The following ADGRL2 variants were observed in gnomAD, a reference collection of about 807,000 sequenced individuals.
ADGRL2 encodes adhesion G protein-coupled receptor L2, also known as calcium-independent alpha-latrotoxin receptor 2.
A neutral mutation model predicts 157.4 loss-of-function variants in ADGRL2; 44 were observed. The observed-to-expected ratio is 0.28, with a 90% CI of 0.22 to 0.36. The LOEUF (loss-of-function observed/expected upper bound fraction) is 0.36. Ranked by LOEUF, ADGRL2 falls within the 10% of genes least tolerant of loss-of-function variation. The probability of loss-of-function intolerance (pLI) is 1.00; values close to 1 mark genes in which losing one functional copy is unlikely to be tolerated. For missense variants in ADGRL2, 1,510 were observed against 1,768.9 expected (o/e 0.85, Z 2.63); for synonymous variants, 585 against 624.7 (o/e 0.94, Z 0.95).
At chr1:81,477,866 C>T (rs550394626) in intron 2 of ADGRL2, among the ~76,000 whole-genome samples, 1 of 152,144 alleles carries the variant, frequency 6.6e-6, no homozygotes, top group Non-Finnish European at 1.5e-5. Context: ...ACCACAGCTG[C>T]TGCAAACATT....
intron 1 of ADGRL2, among the ~76,000 whole-genome samples, chr1:81,441,636 T>C (rs1245718880): frequency 4.6e-5 from 7 of 152,176 alleles, no homozygotes. Flanking sequence ...GTTCAAGTGA[T>C]TCTCCTGCCT....
At chr1:81,865,973 A>T (rs962365432) in intron 2 of ADGRL2, among the ~76,000 whole-genome samples, 1 of 152,186 alleles carries the variant, frequency 6.6e-6, no homozygotes, top group African/African-American at 2.4e-5. Context: ...CATTAAATAG[A>T]TTAGAAAAAG....
intron 2 of ADGRL2, among the ~76,000 whole-genome samples, chr1:81,850,088 C>T (rs2092945576): frequency 1.3e-5 from 2 of 152,054 alleles, no homozygotes; most frequent in South Asian, 4.1e-4. Context: ...TAATTTTAAA[C>T]ACCTTTACCA....
rs1243714128 is a variant in ADGRL2 at position 81,985,668 on chromosome 1, A to C, written c.3508+313A>C. On this transcript the variant is annotated intron_variant, in intron 21 of 23. Transcript: ENST00000686636. ...TTTAACCTTTCTTTCAAAAAGTAAA[A>C]AATAAATGCTAAAAACATGTGTAGT... Among the ~76,000 whole-genome samples the C allele has an allele frequency of 2.6e-5, 4 of 151,986 alleles. No individual in the cohort carries two copies. The East Asian group carries it at 7.7e-4, about 29-fold the overall frequency.
At chr1:81,845,521 A>C (rs1178826148) in intron 2 of ADGRL2, among the ~76,000 whole-genome samples, 1 of 152,056 alleles carries the variant, frequency 6.6e-6, no homozygotes, top group Non-Finnish European at 1.5e-5. Context: ...TGATTTGTAA[A>C]AAAGGGTATC....
chr1:81,332,621 T>G (rs1661350876), intron 1 of ADGRL2, among the ~76,000 whole-genome samples: 1 of 152,160 alleles, frequency 6.6e-6, no homozygotes, highest in African/African-American at 2.4e-5. Context: ...CCTTTGAAAG[T>G]TACACAAGGT....
intron 2 of ADGRL2, among the ~76,000 whole-genome samples, chr1:81,870,926 G>A (rs534958079): frequency 7.0e-6 from 1 of 142,906 alleles, no homozygotes; most frequent in East Asian, 2.1e-4. Context: ...TTTTTTTGAA[G>A]ATTTTTTTTT....
chr1:81,692,791 A>T (rs2083369329), intron 3 of ADGRL2, among the ~76,000 whole-genome samples: 1 of 152,200 alleles, frequency 6.6e-6, no homozygotes, highest in Non-Finnish European at 1.5e-5. Context: ...ATTCAATTAG[A>T]TGTCAATAGT....
At chr1:81,821,927 G>A (rs1028648529) in intron 1 of ADGRL2, among the ~76,000 whole-genome samples, 7 of 151,412 alleles carry the variant, frequency 4.6e-5, no homozygotes, top group African/African-American at 1.7e-4. Flanking sequence ...GGCAAGTTAG[G>A]ATTTCAAAGT....
intron 1 of ADGRL2, among the ~76,000 whole-genome samples, chr1:81,394,755 T>A (rs1003997312): frequency 6.6e-6 from 1 of 152,126 alleles, no homozygotes; most frequent in African/African-American, 2.4e-5. Flanking sequence ...TCATATGGTA[T>A]CTCTAGTTGA....
At chr1:81,401,434 A>G (rs1462477258) in intron 1 of ADGRL2, among the ~76,000 whole-genome samples, 1 of 112,336 alleles carries the variant, frequency 8.9e-6, no homozygotes, top group Non-Finnish European at 2.0e-5. Context: ...CTGCGGGAAG[A>G]TGTGGTGGAG....
intron 3 of ADGRL2, among the ~76,000 whole-genome samples, chr1:81,912,955 T>C (rs1325130820): frequency 1.3e-5 from 2 of 152,212 alleles, no homozygotes; most frequent in Non-Finnish European, 2.9e-5. Flanking sequence ...AAAGTAGGGA[T>C]AAACTTCTAG....
intron 1 of ADGRL2, among the ~76,000 whole-genome samples, chr1:81,830,014 T>A (rs1389212162): frequency 6.6e-6 from 1 of 152,208 alleles, no homozygotes; most frequent in Non-Finnish European, 1.5e-5. Flanking sequence ...TGCTGTTAGT[T>A]ACTTCTCTTA....
chr1:81,410,079 C>T (rs2076921936), intron 1 of ADGRL2, among the ~76,000 whole-genome samples: 3 of 152,180 alleles, frequency 2.0e-5, no homozygotes, highest in Admixed American at 1.3e-4. Context: ...TAGACTGTCA[C>T]GTGATCTTTA....
intron 3 of ADGRL2, among the ~76,000 whole-genome samples, chr1:81,644,294 A>G (rs2082274478): frequency 6.6e-6 from 1 of 152,208 alleles, no homozygotes; most frequent in Admixed American, 6.6e-5. Flanking sequence ...AGGAAATTTG[A>G]TGGCATTGGG....
intron 2 of ADGRL2, among the ~76,000 whole-genome samples, chr1:81,552,604 A>G (rs1237215790): frequency 1.1e-5 from 1 of 89,410 alleles, no homozygotes; most frequent in African/African-American, 3.7e-5. Context: ...AACTTTACTT[A>G]GAAAAAAAAA....
At chr1:81,778,321 C>CAAA (rs35538546) in intron 2 of ADGRL2, among the ~76,000 whole-genome samples, 4 of 136,384 alleles carry the variant, frequency 2.9e-5, no homozygotes, top group South Asian at 2.3e-4. Flanking sequence ...GACTCCGTCT[C>CAAA]AAAAAAAAAA....
intron 2 of ADGRL2, among the ~76,000 whole-genome samples, chr1:81,771,756 A>G (rs926478909): frequency 9.8e-5 from 15 of 152,310 alleles, no homozygotes; most frequent in Middle Eastern, 3.4e-3. Flanking sequence ...ATAAAATTCC[A>G]GGAGTATACG....
chr1:81,394,155 CTTG>C (rs1324124793), intron 1 of ADGRL2, among the ~76,000 whole-genome samples: 5 of 152,022 alleles, frequency 3.3e-5, no homozygotes, highest in Non-Finnish European at 7.4e-5. Flanking sequence ...CCATAGATTT[CTTG>C]TTAAGGATTT....
Sources: allele counts gnomAD v4.1 joint callset (sites outside exome capture counted in the v4.1 genomes callset), GRCh38; gene constraint gnomAD v4.1.1; transcripts MANE v1.5; gene names NCBI Gene and HGNC (gene_info 2026-07-23, HGNC 2026-07-21).